ADAD1: variants seen among roughly 807,000 people sequenced by gnomAD.
ADAD1 encodes adenosine deaminase domain-containing protein 1.
Under a neutral mutation model 66.8 loss-of-function variants are expected in ADAD1, and 46 were observed. The ratio of observed to expected loss-of-function variants is 0.69; its 90% CI spans 0.54 to 0.88. The LOEUF (loss-of-function observed/expected upper bound fraction) is 0.88, where lower values mean the gene tolerates loss of function less well. ADAD1 is among the 40% of genes least tolerant of loss of function. ADAD1 has a pLI of 0.00. For synonymous variants in ADAD1, 248 were observed against 229.4 expected (o/e 1.08, Z -0.73); for missense variants, 617 against 681.8 (o/e 0.91, Z 1.06).
At chr4:122,416,385 C>G (rs1296498001) in intron 11 of ADAD1, among the ~76,000 whole-genome samples, 1 of 152,156 alleles carries the variant, frequency 6.6e-6, no homozygotes, top group Non-Finnish European at 1.5e-5. Flanking sequence ...AATTTAAATG[C>G]TTAAAATTGC....
chr4:122,387,796 G>A (rs1263238369), intron 5 of ADAD1, among the ~76,000 whole-genome samples: 3 of 141,912 alleles, frequency 2.1e-5, no homozygotes, highest in Non-Finnish European at 4.6e-5. Flanking sequence ...GTCTTGCTCT[G>A]TTGCCCAGGC....
intron 12 of ADAD1, among the ~76,000 whole-genome samples, chr4:122,426,353 A>G (rs985807361): frequency 1.3e-5 from 2 of 152,198 alleles, no homozygotes; most frequent in Non-Finnish European, 2.9e-5. Context: ...TTATTTTCCT[A>G]AAGAAAATCT....
intron 12 of ADAD1, 40 bp downstream of exon 12, chr4:122,421,430 T>G (rs1796997785): frequency 6.9e-7 from 1 of 1,447,822 alleles, no homozygotes. Context: ...AGGAATAAAA[T>G]TTAAGACATT....
At chr4:122,401,962 AG>A (rs1271361637) in intron 7 of ADAD1, among the ~76,000 whole-genome samples, 1 of 152,026 alleles carries the variant, frequency 6.6e-6, no homozygotes, top group African/African-American at 2.4e-5. Context: ...GTATCTTTTA[AG>A]TGGAGCATTT....
intron 12 of ADAD1, among the ~76,000 whole-genome samples, chr4:122,427,748 C>A (rs1200612399): frequency 6.6e-6 from 1 of 151,780 alleles, no homozygotes; most frequent in African/African-American, 2.4e-5. Flanking sequence ...GTTGGCCAGG[C>A]AGGTCTCGAA....
chr4:122,385,368 G>T (rs1412834266), intron 5 of ADAD1, among the ~76,000 whole-genome samples: 5 of 152,112 alleles, frequency 3.3e-5, no homozygotes, highest in Non-Finnish European at 5.9e-5. Flanking sequence ...CCCCTCCCGG[G>T]TTCAAGTGAT....
chr4:122,380,021 C>A (rs767904659), intron 2 of ADAD1, 41 bp from the exon 3 acceptor site: 1 of 1,553,660 alleles, frequency 6.4e-7, no homozygotes, highest in Non-Finnish European at 8.7e-7. Context: ...GTTTACATAG[C>A]GTTTTGTCTT....
intron 7 of ADAD1, among the ~76,000 whole-genome samples, chr4:122,397,921 A>G (rs1002873262): frequency 6.6e-6 from 1 of 152,210 alleles, no homozygotes; most frequent in Non-Finnish European, 1.5e-5. Context: ...GTGCAATCAG[A>G]TGAACATTCC....
Position 122,429,629 on chromosome 4 carries a change from A to G in ADAD1, c.1621A>G (p.Met541Val), listed in dbSNP as rs1359408660. The G allele has an allele frequency of 6.2e-7, 1 of 1,601,656 alleles. No individual in the cohort carries two copies. The highest frequency in any genetic ancestry group is 8.6e-7 in the Non-Finnish European group (1 of 1,169,142). ...TCATTTTTTCTTTCTTCTCTAGTGT[A>G]TGTCTGCCTCCTATCAAGAAGCTAA... ...EAGTYHAAKC[M>V]SASYQEAKCK... is the part of the protein sequence containing the mutation. Residue 541 changes from methionine to valine, a missense_variant, in exon 13 of 13, where the codon ATG becomes GTG. Met to Val is a conservative substitution (Grantham distance 21). Coordinates refer to ENST00000296513, the MANE Select transcript of ADAD1 (RefSeq NM_139243.4).
Position 122,412,613 on chromosome 4 carries a change from A to G in ADAD1, c.1053A>G (p.Glu351=). The G allele has an allele frequency of 6.2e-7, 1 of 1,613,800 alleles. No homozygotes were observed. Among genetic ancestry groups the G allele is most frequent in the Non-Finnish European group, 8.5e-7 (1 of 1,179,738 alleles). ...ATCCACATTCTATATCTGCATTTGAAGCCAATGAAGAACTCTGTCTCCACG... is the reference window on the plus strand; with the variant it reads ...ATCCACATTCTATATCTGCATTTGAGGCCAATGAAGAACTCTGTCTCCACG... The part of the protein sequence containing the change: ...RLNPHSISAF[E]ANEELCLHVA... Residue 351 remains glutamate (E), a synonymous_variant, in exon 10 of 13, where the codon GAA becomes GAG. Coordinates refer to ENST00000296513, the MANE Select transcript of ADAD1 (RefSeq NM_139243.4).
Position 122,388,218 on chromosome 4 carries a change from G to A in ADAD1, c.529+4252G>A, listed in dbSNP as rs565840924. 1.3e-4 allele frequency among the ~76,000 whole-genome samples: 20 copies of A among 152,272 alleles called. No individual in the cohort carries two copies. The South Asian group carries it at 2.3e-3, about 17-fold the overall frequency. On this transcript the variant is annotated intron_variant, in intron 5 of 12. Coordinates refer to ENST00000296513, the MANE Select transcript of ADAD1 (RefSeq NM_139243.4). ...AGCCTTGCATTCCAGGGATGAAGCC[G>A]ACTTGATTGTGGTGAATAAGTTTTT...
chr4:122,419,344 CAT>C (rs1796902946), intron 11 of ADAD1, among the ~76,000 whole-genome samples: 1 of 152,102 alleles, frequency 6.6e-6, no homozygotes, highest in Non-Finnish European at 1.5e-5. Context: ...CACGTGGACA[CAT>C]AGAGGGGAAC....
At chr4:122,411,156 T>A in intron 8 of ADAD1, 66 bp from the exon 9 acceptor site, 1 of 1,279,304 alleles carries the variant, frequency 7.8e-7, no homozygotes, top group Non-Finnish European at 1.1e-6. Context: ...CATGTGGACA[T>A]GATGCTCATT....
chr4:122,394,038 A>G (rs1284098831), intron 6 of ADAD1, among the ~76,000 whole-genome samples: 1 of 152,076 alleles, frequency 6.6e-6, no homozygotes, highest in East Asian at 1.9e-4. Context: ...ATTATTTGTC[A>G]CTCAAGCCCG....
At chr4:122,384,605 C>T (rs1348747607) in intron 5 of ADAD1, among the ~76,000 whole-genome samples, 1 of 152,132 alleles carries the variant, frequency 6.6e-6, no homozygotes, top group Non-Finnish European at 1.5e-5. Context: ...ATTTAAAATA[C>T]TTTGTTGAAC....
intron 7 of ADAD1, among the ~76,000 whole-genome samples, chr4:122,401,887 G>A (rs563373147): frequency 6.6e-6 from 1 of 152,180 alleles, no homozygotes; most frequent in African/African-American, 2.4e-5. Context: ...GTCCTTATGT[G>A]TTAGGTGAGT....
At chr4:122,428,822 T>C (rs1268386595) in intron 12 of ADAD1, among the ~76,000 whole-genome samples, 2 of 152,140 alleles carry the variant, frequency 1.3e-5, no homozygotes, top group African/African-American at 4.8e-5. Flanking sequence ...AACTGGACTA[T>C]GCTGATATTT....
intron 5 of ADAD1, among the ~76,000 whole-genome samples, chr4:122,393,036 AT>A (rs34759757): frequency 0.24 from 29,866 of 122,986 alleles, 2,616 homozygotes; most frequent in Middle Eastern, 0.46. Flanking sequence ...AATTTTCCTG[AT>A]TTTTTTTTTT....
intron 7 of ADAD1, among the ~76,000 whole-genome samples, chr4:122,396,888 A>G (rs1399691099): frequency 2.6e-5 from 4 of 152,170 alleles, no homozygotes; most frequent in Admixed American, 2.6e-4. Flanking sequence ...AGTTGTTATG[A>G]TCTAAGTAGG....
Sources: gnomAD v4.1 joint callset for allele counts (sites outside exome capture counted in the v4.1 genomes callset) on GRCh38, gnomAD v4.1.1 for gene constraint, MANE v1.5 for transcripts, NCBI Gene and HGNC (gene_info 2026-07-23, HGNC 2026-07-21) for gene names.